The following PROSER2 variants were observed in gnomAD, a reference collection of about 807,000 sequenced individuals.
The protein encoded by PROSER2 is proline and serine-rich protein 2.
A neutral mutation model predicts 14.6 loss-of-function variants in PROSER2; 18 were observed. The observed-to-expected ratio is 1.23, with a 90% confidence interval of 0.85 to 1.83. The LOEUF is 1.83. Ranked by LOEUF, PROSER2 falls within the 40% of genes most tolerant of loss-of-function variation. The probability of loss-of-function intolerance (pLI) is 0.00; values close to 1 mark genes in which losing one functional copy is unlikely to be tolerated. For synonymous variants in PROSER2, 367 were observed against 286.4 expected, an observed-to-expected ratio of 1.28 and a Z score of -2.84; for missense variants, 823 against 629.8, an observed-to-expected ratio of 1.31 and a Z score of -3.28.
intron 2 of PROSER2, among the ~76,000 whole-genome samples, chr10:11,858,091 C>A (rs1259552112): frequency 6.6e-6 from 1 of 152,130 alleles, no homozygotes; most frequent in South Asian, 2.1e-4. Flanking sequence ...GGTGCTACCA[C>A]GCCTGGCTAA....
intron 1 of PROSER2, among the ~76,000 whole-genome samples, chr10:11,845,021 T>C (rs138254470): frequency 6.6e-6 from 1 of 152,340 alleles, no homozygotes; most frequent in Non-Finnish European, 1.5e-5. Flanking sequence ...GGGGGATTTT[T>C]GTTATTACAG....
At chr10:11,833,234 G>GATTTT (rs1588483584) in intron 1 of PROSER2, among the ~76,000 whole-genome samples, 1 of 20,120 alleles carries the variant, frequency 5.0e-5, no homozygotes, top group African/African-American at 1.8e-4. Context: ...AAATGTTGTG[G>GATTTT]CTTTTTTTTT....
At chr10:11,864,563 T>C (rs945086427) in intron 2 of PROSER2, among the ~76,000 whole-genome samples, 2 of 151,958 alleles carry the variant, frequency 1.3e-5, no homozygotes, top group African/African-American at 4.8e-5. Context: ...TAGGCAGTTA[T>C]CAAATTCTGA....
Position 11,866,711 on chromosome 10 carries a change from G to A in PROSER2, c.319G>A (p.Val107Ile). ...CTCCAGTCCCTCCGAGCCTGAAGAT[G>A]TCATCGACTTAGTGCAGCCAGCACC... ...STSSPSEPEDVIDLVQPAPGA... is the reference protein window; with the variant it reads ...STSSPSEPEDIIDLVQPAPGA... Residue 107 changes from valine (V) to isoleucine (I), a missense_variant, in exon 3 of 4, where the codon GTC becomes ATC. By Grantham distance (29) the Val-to-Ile change is conservative (BLOSUM62 3). Coordinates refer to ENST00000277570, the MANE Select transcript of PROSER2 (RefSeq NM_153256.4). This position sits in a 1 kb window ranked among gnomAD's most constrained non-coding sequence, Gnocchi z 6.0. 2 of 1,614,042 alleles carry A rather than the reference G, an allele frequency of 1.2e-6. No individual in the cohort carries two copies.
At chr10:11,849,253 C>A (rs1833976835) in intron 1 of PROSER2, among the ~76,000 whole-genome samples, 1 of 152,120 alleles carries the variant, frequency 6.6e-6, no homozygotes. Flanking sequence ...CATGGTGGGC[C>A]CTCCTGGACT....
chr10:11,827,269 G>T (rs1412112129), intron 1 of PROSER2, among the ~76,000 whole-genome samples: 1 of 151,690 alleles, frequency 6.6e-6, no homozygotes, highest in Non-Finnish European at 1.5e-5. Context: ...TGCATTTCTC[G>T]AACGACTTCG....
At chr10:11,853,834 A>G (rs929170997) in intron 2 of PROSER2, among the ~76,000 whole-genome samples, 2 of 152,032 alleles carry the variant, frequency 1.3e-5, no homozygotes, top group African/African-American at 4.8e-5. Flanking sequence ...TCTTAATTCT[A>G]CCAGTTTTAT....
chr10:11,869,652 C>T lies in PROSER2; in HGVS notation c.554C>T (p.Pro185Leu), dbSNP rs1329514206. ...GCCCCCTCCCCGCCGGTGGAGCACC[C>T]CAGACTCCTGCGCTCTGTTCCCACG... ...LRAPSPPVEH[P>L]RLLRSVPTPL... is the part of the protein sequence containing the mutation. Residue 185 changes from proline to leucine, a missense_variant, in exon 4 of 4, where the codon CCC (proline) becomes CTC (leucine). Physicochemically the swap from Pro to Leu is moderately conservative, Grantham distance 98 (BLOSUM62 -3). Transcript: ENST00000277570. This position sits in a 1 kb window ranked among gnomAD's most constrained non-coding sequence, Gnocchi z 4.4. 5 of 1,601,662 alleles carry T rather than the reference C, an allele frequency of 3.1e-6. No individual in the cohort carries two copies. In the South Asian group the frequency reaches 4.5e-5, roughly 14 times the overall value.
At chr10:11,827,619 G>C (rs1199981937) in intron 1 of PROSER2, among the ~76,000 whole-genome samples, 4 of 151,466 alleles carry the variant, frequency 2.6e-5, no homozygotes, top group African/African-American at 9.7e-5. Context: ...AGTATTTATG[G>C]ATTGACCACG....
In PROSER2 at chr10:11,869,483, C is replaced by G. The variant is rs1181121810; in HGVS notation, c.392-7C>G. Reference sequence around the variant, plus strand: ...GGTGGCTCACAGGCTCCTCCCTTGTCTTCCAGGGCCTGCACCTGCTGGGAA... The same window carrying G: ...GGTGGCTCACAGGCTCCTCCCTTGTGTTCCAGGGCCTGCACCTGCTGGGAA... On this transcript the variant is annotated splice_polypyrimidine_tract_variant and splice_region_variant and intron_variant, in intron 3 of 3. Transcript: ENST00000277570. The surrounding 1 kb of genome is among the most constrained non-coding windows in gnomAD (Gnocchi z 4.4). The G allele has an allele frequency of 6.2e-7, 1 of 1,610,332 alleles. No homozygotes were observed. Among genetic ancestry groups the G allele is most frequent in the Non-Finnish European group, 8.5e-7 (1 of 1,176,836 alleles).
rs1034536812 is a variant in PROSER2 at position 11,823,591 on chromosome 10, C to A, written c.-82+121C>A. The A allele has an allele frequency of 6.6e-6, 1 of 152,172 alleles. No individual in the cohort carries two copies. Among genetic ancestry groups the A allele is most frequent in the Non-Finnish European group, 1.5e-5 (1 of 68,142 alleles). 9.4% of individuals were successfully genotyped at this position (152,172 alleles called of 1,614,324 possible). On this transcript the variant is annotated intron_variant, in intron 1 of 3. Coordinates refer to ENST00000277570, the MANE Select transcript of PROSER2 (RefSeq NM_153256.4). This position sits in a 1 kb window ranked among gnomAD's most constrained non-coding sequence, Gnocchi z 6.2. ...GTCGGGCAGAGAGGGGGCGCCGGAC[C>A]CTGCCTTGGCGCGCTCCTCGCTCTG...
rs1487129832 is a variant in PROSER2 at position 11,865,734 on chromosome 10, C to G, written c.139-797C>G. On this transcript the variant is annotated intron_variant, in intron 2 of 3. Transcript: ENST00000277570. This position sits in a 1 kb window ranked among gnomAD's most constrained non-coding sequence, Gnocchi z 4.2. The stretch of plus-strand genomic sequence containing the variant: ...CACTGTTAACACGGCACTCCACCGT[C>G]AGCTTTGCTCCGTGGCCCCACTTCA... Among the ~76,000 whole-genome samples the G allele has an allele frequency of 6.6e-6, 1 of 152,250 alleles. No individual in the cohort carries two copies. The highest frequency in any genetic ancestry group is 1.5e-5 in the Non-Finnish European group (1 of 68,048).
intron 1 of PROSER2, among the ~76,000 whole-genome samples, chr10:11,849,454 T>C (rs1390989014): frequency 6.6e-6 from 1 of 152,196 alleles, no homozygotes; most frequent in East Asian, 1.9e-4. Flanking sequence ...CATCAGTGCA[T>C]AGATGGGCTC....
chr10:11,852,856 G>A (rs930829816), intron 2 of PROSER2, among the ~76,000 whole-genome samples: 3 of 150,512 alleles, frequency 2.0e-5, no homozygotes, highest in African/African-American at 4.9e-5. Flanking sequence ...GTGAGCCACC[G>A]CGCCCGGCCA....
At position 11,869,897 on chromosome 10, in the gene PROSER2, C is replaced by T. The variant is rs1218174160; in HGVS notation, c.799C>T (p.Pro267Ser). The T allele has an allele frequency of 3.8e-6, 6 of 1,586,700 alleles. No homozygotes were observed. The highest frequency in any genetic ancestry group is 2.3e-5 in the East Asian group (1 of 43,746). The change falls in exon 4 of 4, where the codon CCC becomes TCC. Residue 267 changes from proline (P) to serine (S), a missense_variant. Pro to Ser is a moderately conservative substitution (Grantham distance 74, BLOSUM62 -1). Transcript: ENST00000277570. This position sits in a 1 kb window ranked among gnomAD's most constrained non-coding sequence, Gnocchi z 4.4. ...IIVTNGAARE[P>S]RRTLSRAAVS... is the part of the protein sequence containing the mutation. ...CGTCACCAACGGCGCGGCCCGGGAG[C>T]CCCGCAGGACCCTGTCCAGGGCGGC...
chr10:11,852,174 G>C lies in PROSER2; in HGVS notation c.97G>C (p.Glu33Gln). The C allele has an allele frequency of 6.2e-7, 1 of 1,613,248 alleles. No individual in the cohort carries two copies. Among genetic ancestry groups the C allele is most frequent in the Non-Finnish European group, 8.5e-7 (1 of 1,179,658 alleles). ...AGCCTTCAGCAGAGGCGGCAGCCTG[G>C]AGAGTCGAAGCAGCAGCTCTCGCTC... is the stretch of plus-strand genomic sequence containing the variant. Reference protein sequence around the residue: ...LRAFSRGGSLESRSSSSRSRS... With the variant: ...LRAFSRGGSLQSRSSSSRSRS... Residue 33 changes from glutamate (E) to glutamine (Q), a missense_variant, in exon 2 of 4, where the codon GAG becomes CAG. Physicochemically the swap from Glu to Gln is conservative, Grantham distance 29 (BLOSUM62 2). Transcript: ENST00000277570.
At chr10:11,852,340 A>C (rs1834037023) in intron 2 of PROSER2, 125 bp downstream of exon 2, 10 of 1,060,078 alleles carry the variant, frequency 9.4e-6, no homozygotes, top group Non-Finnish European at 1.3e-5. Context: ...GTTCTGGAAT[A>C]CTTCTTTGTG....
At chr10:11,859,530 A>G (rs1834194341) in intron 2 of PROSER2, among the ~76,000 whole-genome samples, 2 of 152,124 alleles carry the variant, frequency 1.3e-5, no homozygotes, top group South Asian at 2.1e-4. Flanking sequence ...GCTTTCTCCA[A>G]CTCACCCTTG....
At chr10:11,828,904 A>T (rs1833652464) in intron 1 of PROSER2, among the ~76,000 whole-genome samples, 1 of 152,146 alleles carries the variant, frequency 6.6e-6, no homozygotes, top group South Asian at 2.1e-4. Flanking sequence ...GGAGCAGAGG[A>T]CAGAGAGTCT....
Sources: allele counts gnomAD v4.1 joint callset (sites outside exome capture counted in the v4.1 genomes callset), GRCh38; gene constraint gnomAD v4.1.1; non-coding constraint Gnocchi (gnomAD v3.1); transcripts MANE v1.5; gene names NCBI Gene and HGNC (gene_info 2026-07-23, HGNC 2026-07-21).